GANC: variants seen among roughly 807,000 people sequenced by gnomAD.
The protein encoded by GANC is glucosidase alpha, neutral C.
Under a neutral mutation model 124.2 loss-of-function variants are expected in GANC, and 117 were observed. The ratio of observed to expected loss-of-function variants is 0.94; its 90% CI spans 0.81 to 1.10. The LOEUF (loss-of-function observed/expected upper bound fraction) is 1.10, where lower values mean the gene tolerates loss of function less well. GANC is among the 50% of genes least tolerant of loss of function. The pLI, the probability that GANC is intolerant of heterozygous loss-of-function variation, is 0.00. For missense variants in GANC, 1,140 were observed against 1,095.0 expected, an observed-to-expected ratio of 1.04 and a Z score of -0.58; for synonymous variants, 377 against 376.8, an observed-to-expected ratio of 1.00 and a Z score of -0.01.
At chr15:42,350,179 C>T (rs1267925489) in intron 22 of GANC, among the ~76,000 whole-genome samples, 2 of 151,446 alleles carry the variant, frequency 1.3e-5, no homozygotes, top group East Asian at 2.0e-4. Context: ...TACAGGCATG[C>T]GCCACCACGC....
chr15:42,340,601 T>TAAAAAAAAA, intron 17 of GANC, 89 bp from the exon 18 acceptor site: 1 of 795,280 alleles, frequency 1.3e-6, no homozygotes, highest in Non-Finnish European at 1.9e-6. Context: ...GAGATCCATC[T>TAAAAAAAAA]AAAAAAAAAA....
chr15:42,301,266 A>C (rs1595769485), intron 6 of GANC, among the ~76,000 whole-genome samples: 1 of 151,814 alleles, frequency 6.6e-6, no homozygotes, highest in South Asian at 2.1e-4. Context: ...GGATCAGGGA[A>C]CTCCCTCCCT....
intron 3 of GANC, among the ~76,000 whole-genome samples, chr15:42,285,926 CAG>C (rs1392785148): frequency 1.3e-5 from 2 of 151,998 alleles, no homozygotes; most frequent in Admixed American, 1.3e-4. Context: ...ATAGTGAAAA[CAG>C]GGTTATTGCT....
chr15:42,326,220 A>T (rs1175966813), intron 11 of GANC, 78 bp from the exon 12 acceptor site: 1 of 1,044,488 alleles, frequency 9.6e-7, no homozygotes, highest in African/African-American at 1.6e-5. Flanking sequence ...TGAACCCCCA[A>T]ACTATGGCGA....
Position 42,353,478 on chromosome 15 carries a change from C to A in GANC, c.*1339C>A. 1.1e-6 allele frequency: 1 copy of A among 932,398 alleles called. No individual in the cohort carries two copies. Among genetic ancestry groups the A allele is most frequent in the Non-Finnish European group, 1.3e-6 (1 of 781,932 alleles). 57.8% of individuals were successfully genotyped at this position (932,398 alleles called of 1,614,324 possible). A position where few individuals can be genotyped will look rare whatever the true frequency, so the allele number is the denominator to read the frequency against. On this transcript the variant is annotated 3_prime_UTR_variant, in exon 24 of 24. Transcript: ENST00000318010. ...CCACTTATAACTGTGCTCTACTTAG[C>A]ATTCTCAGGGATCATACCTTAATGT...
intron 10 of GANC, chr15:42,313,892 C>A: frequency 3.4e-6 from 2 of 581,978 alleles, no homozygotes; most frequent in Non-Finnish European, 6.0e-6. Flanking sequence ...AGAAAGGCTG[C>A]AGTAAGCACT....
chr15:42,329,521 A>G, intron 14 of GANC, 72 bp downstream of exon 14: 4 of 1,470,998 alleles, frequency 2.7e-6, no homozygotes, highest in Admixed American at 2.0e-5. Flanking sequence ...TTGCTTTGTG[A>G]TATAATGGCT....
At chr15:42,284,152 AG>A in intron 3 of GANC, 1 of 608,878 alleles carries the variant, frequency 1.6e-6, no homozygotes, top group South Asian at 2.0e-5. Context: ...CAACCTACCA[AG>A]GAAGAGTTGA....
intron 21 of GANC, 23 bp downstream of exon 21, chr15:42,348,239 AT>A: frequency 6.8e-7 from 1 of 1,462,986 alleles, no homozygotes; most frequent in Non-Finnish European, 9.6e-7. Context: ...TCTGTTACTC[AT>A]TTTGTTTCTA....
intron 11 of GANC, among the ~76,000 whole-genome samples, chr15:42,322,708 G>A (rs190419523): frequency 1.3e-5 from 2 of 152,202 alleles, no homozygotes; most frequent in Admixed American, 1.3e-4. Context: ...TGCTTCCCTG[G>A]TGGACTCCAC....
chr15:42,329,181 T>C (rs1595780113), intron 13 of GANC, 125 bp from the exon 14 acceptor site: 1 of 934,352 alleles, frequency 1.1e-6, no homozygotes, highest in Non-Finnish European at 1.6e-6. Context: ...ACTTATACTC[T>C]AGCAGTGGAG....
chr15:42,322,599 C>G (rs768250948), intron 11 of GANC, among the ~76,000 whole-genome samples: 13 of 152,094 alleles, frequency 8.5e-5, no homozygotes, highest in Non-Finnish European at 1.5e-4. Flanking sequence ...TGTCCAGATA[C>G]GGGCCGAAGG....
At chr15:42,339,556 T>G in intron 16 of GANC, 113 bp from the exon 17 acceptor site, 1 of 1,254,198 alleles carries the variant, frequency 8.0e-7, no homozygotes, top group Non-Finnish European at 1.1e-6. Context: ...TATCCTGTCA[T>G]TTGAAGTGCA....
intron 3 of GANC, chr15:42,280,942 C>A (rs1403869365): frequency 1.4e-6 from 1 of 702,474 alleles, no homozygotes; most frequent in East Asian, 2.7e-5. Flanking sequence ...CAGAGCCCAA[C>A]AACTCTGGAT....
At chr15:42,302,418 A>G (rs535947188) in intron 6 of GANC, among the ~76,000 whole-genome samples, 2 of 152,298 alleles carry the variant, frequency 1.3e-5, no homozygotes, top group African/African-American at 4.8e-5. Context: ...AAAGGCTGAA[A>G]ATTCCAAAAA....
At chr15:42,302,849 AC>A (rs2051959702) in intron 6 of GANC, among the ~76,000 whole-genome samples, 1 of 152,194 alleles carries the variant, frequency 6.6e-6, no homozygotes, top group Non-Finnish European at 1.5e-5. Flanking sequence ...GATATATGGG[AC>A]TATGTGAAAA....
At chr15:42,278,700 G>GCTGATATTCCTTTTCT in intron 3 of GANC, 110 bp downstream of exon 3, 1 of 728,812 alleles carries the variant, frequency 1.4e-6, no homozygotes, top group Non-Finnish European at 2.2e-6. Flanking sequence ...GTTAGAAAAG[G>GCTGATATTCCTTTTCT]AATATCAGCC....
chr15:42,310,885 C>G, intron 10 of GANC, 39 bp downstream of exon 10: 1 of 1,596,256 alleles, frequency 6.3e-7, no homozygotes. Context: ...TGTTCTGTTA[C>G]ATATCCAATG....
chr15:42,338,295 C>A, intron 15 of GANC, 94 bp from the exon 16 acceptor site: 1 of 691,802 alleles, frequency 1.4e-6, no homozygotes, highest in South Asian at 2.7e-5. Context: ...TTTTCCTTTT[C>A]ATTAAGTTGT....
Sources: allele counts gnomAD v4.1 joint callset (sites outside exome capture counted in the v4.1 genomes callset), GRCh38; gene constraint gnomAD v4.1.1; transcripts MANE v1.5; gene names NCBI Gene and HGNC (gene_info 2026-07-23, HGNC 2026-07-21).